The following BSN variants were observed in gnomAD, a reference collection of about 807,000 sequenced individuals.
BSN encodes bassoon presynaptic cytomatrix protein.
In BSN, 57 loss-of-function variants were observed where a neutral mutation model predicts 264.8. The ratio of observed to expected loss-of-function variants is 0.22; its 90% CI spans 0.17 to 0.27. The LOEUF is 0.27. BSN is among the 10% of genes least tolerant of loss of function. BSN has a pLI of 1.00. For missense variants in BSN, 4,615 were observed against 5,232.5 expected (o/e 0.88, Z 3.64); for synonymous variants, 2,059 against 2,137.3 (o/e 0.96, Z 1.01).
chr3:49,632,486 TAAAC>T (rs1407575446), intron 2 of BSN, among the ~76,000 whole-genome samples: 4 of 151,916 alleles, frequency 2.6e-5, no homozygotes, highest in South Asian at 4.2e-4. Context: ...ACAACAGAAA[TAAAC>T]AAACAAAAAC....
In BSN at chr3:49,585,279, G is replaced by A. The variant is rs915882009; in HGVS notation, c.224+30453G>A. On this transcript the variant is annotated intron_variant, in intron 1 of 11. Transcript: ENST00000296452. The surrounding 1 kb of genome is among the most constrained non-coding windows in gnomAD (Gnocchi z 4.7). ...TCAAGGAAAGAGGAGATCGTGGGTGGGGAAACAGACTGAGGGAATCAGAAG... is the reference window on the plus strand; with the variant it reads ...TCAAGGAAAGAGGAGATCGTGGGTGAGGAAACAGACTGAGGGAATCAGAAG... Among the ~76,000 whole-genome samples the A allele has an allele frequency of 2.6e-5, 4 of 151,966 alleles. No individual in the cohort carries two copies. The highest frequency in any genetic ancestry group is 4.4e-5 in the Non-Finnish European group (3 of 67,980).
At chr3:49,600,686 C>G (rs2052067028) in intron 1 of BSN, among the ~76,000 whole-genome samples, 1 of 152,120 alleles carries the variant, frequency 6.6e-6, no homozygotes, top group African/African-American at 2.4e-5. Context: ...TGCCTGTAAT[C>G]TCAGCTGCTC....
At chr3:49,555,005 C>T (rs1414735213) in intron 1 of BSN, among the ~76,000 whole-genome samples, 179 bp downstream of exon 1, 1 of 152,208 alleles carries the variant, frequency 6.6e-6, no homozygotes, top group African/African-American at 2.4e-5. Flanking sequence ...TCCAGCTGCC[C>T]CGCCTTGGCG....
intron 10 of BSN, 108 bp from the exon 11 acceptor site, chr3:49,665,121 C>A: frequency 2.6e-6 from 1 of 390,832 alleles, no homozygotes; most frequent in Non-Finnish European, 4.6e-6. Context: ...GGCTTTCAAA[C>A]CATCTGCCAT....
chr3:49,657,284 G>A lies in BSN; in HGVS notation c.7728G>A (p.Val2576=), dbSNP rs2052613890. The A allele has an allele frequency of 3.1e-6, 5 of 1,613,346 alleles. No individual in the cohort carries two copies. In the East Asian group the frequency reaches 8.9e-5, roughly 29 times the overall value. The part of the protein sequence containing the change: ...CELESGTEPC[V]VRRIADSSVQ... Reference sequence around the variant, plus strand: ...TAGAGTCTGGGACTGAGCCCTGTGTGGTCAGGAGGATTGCCGACAGCAGCG... The same window carrying A: ...TAGAGTCTGGGACTGAGCCCTGTGTAGTCAGGAGGATTGCCGACAGCAGCG... Residue 2576 remains valine, a synonymous_variant, in exon 5 of 12, where the codon GTG becomes GTA. Coordinates refer to ENST00000296452, the MANE Select transcript of BSN (RefSeq NM_003458.4).
At chr3:49,639,203 T>TTC (rs1553665161) in intron 2 of BSN, among the ~76,000 whole-genome samples, 2 of 149,238 alleles carry the variant, frequency 1.3e-5, no homozygotes, top group African/African-American at 4.9e-5. Flanking sequence ...CTTTTTCTTT[T>TTC]TTTTTTTTTT....
chr3:49,575,394 GTGTGTATATATATGTAAATATATATA>G (rs1214602915), intron 1 of BSN, among the ~76,000 whole-genome samples: 12 of 147,708 alleles, frequency 8.1e-5, no homozygotes, highest in Middle Eastern at 3.6e-3. Flanking sequence ...AAATATATAT[GTGTGTATATATATGTAAATATATATA>G]TGTGTATATA....
chr3:49,662,490 C>T lies in BSN; in HGVS notation c.10645C>T (p.Arg3549Trp), dbSNP rs776200643. The change falls in exon 6 of 12, where the codon CGG (arginine) becomes TGG (tryptophan). Residue 3549 changes from arginine to tryptophan, a missense_variant. Around this residue, in one of 3 missense-constraint regions of BSN, gnomAD observed 3,415 missense variants for 3,866.4 expected, o/e 0.88. Coordinates refer to ENST00000296452, the MANE Select transcript of BSN (RefSeq NM_003458.4). ...DVQEHVKDGP[R>W]AHAYKREEGY... ...CCAGGAACATGTCAAGGACGGACCT[C>T]GGGCCCACGCATATAAGCGTGAGGA... 29 of 1,613,494 alleles carry T rather than the reference C, an allele frequency of 1.8e-5. No individual in the cohort carries two copies. The highest frequency in any genetic ancestry group is 3.3e-5 in the Admixed American group (2 of 59,992).
intron 1 of BSN, among the ~76,000 whole-genome samples, chr3:49,593,893 C>T (rs12636099): frequency 0.48 from 71,864 of 149,258 alleles, 19,308 homozygotes; most frequent in East Asian, 0.93. Flanking sequence ...AACTCCGCCT[C>T]CCAGGTTCAC....
At chr3:49,577,713 T>G (rs2108012912) in intron 1 of BSN, among the ~76,000 whole-genome samples, 1 of 152,106 alleles carries the variant, frequency 6.6e-6, no homozygotes, top group African/African-American at 2.4e-5. Flanking sequence ...CTAATTTTTG[T>G]ATTTTTAGTA....
intron 1 of BSN, among the ~76,000 whole-genome samples, chr3:49,555,095 A>G (rs768782592): frequency 4.6e-5 from 7 of 152,150 alleles, no homozygotes; most frequent in Non-Finnish European, 1.0e-4. Context: ...CTTCTCCCCA[A>G]CGCTCGGGCC....
intron 2 of BSN, among the ~76,000 whole-genome samples, chr3:49,626,298 C>T (rs542467150): frequency 2.6e-5 from 4 of 152,248 alleles, no homozygotes; most frequent in East Asian, 3.9e-4. Context: ...GCTGCAGGCA[C>T]GGGCATGGCT....
In BSN at chr3:49,654,750, G is replaced by A. The variant is rs77668976; in HGVS notation, c.5194G>A (p.Val1732Met). The change falls in exon 5 of 12, where the codon GTG (valine) becomes ATG (methionine). Residue 1732 changes from valine (V) to methionine (M), a missense_variant. Coordinates refer to ENST00000296452, the MANE Select transcript of BSN (RefSeq NM_003458.4). This position sits in a 1 kb window ranked among gnomAD's most constrained non-coding sequence, Gnocchi z 4.1. ...TACCTTCCTTGCTACTGCCACCACCGTGAGCATCACCATGGCCTCGTCTGT... is the reference window on the plus strand; with the variant it reads ...TACCTTCCTTGCTACTGCCACCACCATGAGCATCACCATGGCCTCGTCTGT... Reference protein sequence around the residue: ...EHTFLATATTVSITMASSVFM... With the variant: ...EHTFLATATTMSITMASSVFM... 129 of 1,613,672 alleles carry A rather than the reference G, an allele frequency of 8.0e-5. No individual in the cohort carries two copies. In the African/African-American group the frequency reaches 1.3e-3, roughly 17 times the overall value.
chr3:49,555,257 A>G (rs1203892212), intron 1 of BSN, among the ~76,000 whole-genome samples: 1 of 152,234 alleles, frequency 6.6e-6, no homozygotes, highest in Non-Finnish European at 1.5e-5. Flanking sequence ...CTGTCAGGGA[A>G]GATAAGTGTC....
chr3:49,578,315 T>C (rs1245960970), intron 1 of BSN, among the ~76,000 whole-genome samples: 4 of 152,158 alleles, frequency 2.6e-5, no homozygotes, highest in Admixed American at 6.6e-5. Flanking sequence ...AAAATATCTT[T>C]CTGAGATATA....
intron 1 of BSN, among the ~76,000 whole-genome samples, chr3:49,589,735 G>A (rs1575430748): frequency 6.6e-6 from 1 of 151,116 alleles, no homozygotes; most frequent in South Asian, 2.1e-4. Context: ...TCAATCTCCT[G>A]AGCTCAGGCG....
chr3:49,573,098 G>A (rs1021771901), intron 1 of BSN, among the ~76,000 whole-genome samples: 2 of 152,190 alleles, frequency 1.3e-5, no homozygotes, highest in Admixed American at 1.3e-4. Flanking sequence ...AGGAGATAAG[G>A]GCCTAATGGG....
intron 1 of BSN, among the ~76,000 whole-genome samples, chr3:49,584,868 G>A (rs1353307244): frequency 6.6e-6 from 1 of 152,022 alleles, no homozygotes; most frequent in Non-Finnish European, 1.5e-5. Flanking sequence ...CAGATCCCAC[G>A]AATAAGTGAG....
At chr3:49,589,008 G>C (rs568368684) in intron 1 of BSN, among the ~76,000 whole-genome samples, 3 of 150,272 alleles carry the variant, frequency 2.0e-5, no homozygotes, top group African/African-American at 7.3e-5. Flanking sequence ...TCCGCCTCCC[G>C]CGTTTACGCC....
Sources: allele counts gnomAD v4.1 joint callset (sites outside exome capture counted in the v4.1 genomes callset), GRCh38; gene constraint gnomAD v4.1.1; regional missense constraint gnomAD v4.1.1; non-coding constraint Gnocchi (gnomAD v3.1); transcripts MANE v1.5; gene names NCBI Gene and HGNC (gene_info 2026-07-23, HGNC 2026-07-21).